Variants in ZBTB24 observed in about 807,000 individuals in gnomAD.
ZBTB24 encodes zinc finger and BTB domain-containing protein 24.
ZBTB24 carries 32 observed loss-of-function variants against 53.8 expected under a neutral mutation model. The observed-to-expected ratio is 0.60, with a 90% confidence interval of 0.45 to 0.80. The LOEUF (loss-of-function observed/expected upper bound fraction) is 0.80, where lower values mean the gene tolerates loss of function less well. Ranked by LOEUF, ZBTB24 falls within the 30% of genes least tolerant of loss-of-function variation. ZBTB24 has a pLI of 0.00. For synonymous variants in ZBTB24, 297 were observed against 306.7 expected (o/e 0.97, Z 0.33); for missense variants, 722 against 837.1 (o/e 0.86, Z 1.70).
Position 109,465,594 on chromosome 6 carries a change from C to T in ZBTB24, c.*257G>A. On this transcript the variant is annotated 3_prime_UTR_variant, in exon 7 of 7. Transcript: ENST00000230122. ...GCCCCCAAAGAAAAACTACCCGAGT[C>T]TTTATGAGACATTGCAGATTAAAAT... 1 of 1,490,022 alleles carries T rather than the reference C, an allele frequency of 6.7e-7. No individual in the cohort carries two copies. The highest frequency in any genetic ancestry group is 1.2e-5 in the South Asian group (1 of 81,858). The allele number at this position is 1,490,022 out of a possible 1,614,324, so 92.3% of individuals were successfully genotyped here. A position where few individuals can be genotyped will look rare whatever the true frequency, so the allele number is the denominator to read the frequency against.
intron 2 of ZBTB24, among the ~76,000 whole-genome samples, chr6:109,478,330 T>A (rs375415503): frequency 2.0e-4 from 31 of 152,236 alleles, no homozygotes; most frequent in African/African-American, 7.0e-4. Flanking sequence ...CAGACAGACA[T>A]ACAGCTTAGG....
At chr6:109,478,459 T>A (rs1425613544) in intron 2 of ZBTB24, among the ~76,000 whole-genome samples, 1 of 152,140 alleles carries the variant, frequency 6.6e-6, no homozygotes, top group Non-Finnish European at 1.5e-5. Flanking sequence ...TTCATCTGCA[T>A]CTCATTATTG....
intron 4 of ZBTB24, among the ~76,000 whole-genome samples, chr6:109,475,795 C>T (rs1776266081): frequency 1.3e-5 from 2 of 152,078 alleles, no homozygotes; most frequent in African/African-American, 4.8e-5. Context: ...TATCAGTTGG[C>T]AGGAAAGAAA....
At position 109,465,769 on chromosome 6, in the gene ZBTB24, G is replaced by A. The variant is rs567868709; in HGVS notation, c.*82C>T. 2.9e-4 allele frequency: 462 copies of A among 1,613,506 alleles called. 1 individual carries two copies. In the South Asian group the frequency reaches 3.2e-3, roughly 11 times the overall value. ...AGCATCTGCAAGTCAATGGTGTGGAGAGCCTGATTTCAAGCGTTCAAAATC... is the reference window on the plus strand; with the variant it reads ...AGCATCTGCAAGTCAATGGTGTGGAAAGCCTGATTTCAAGCGTTCAAAATC... On this transcript the variant is annotated 3_prime_UTR_variant, in exon 7 of 7. Transcript: ENST00000230122.
Position 109,465,327 on chromosome 6 carries a change from TG to T in ZBTB24, c.*523del. The T allele has an allele frequency of 6.2e-6, 2 of 324,582 alleles. No individual in the cohort carries two copies. Among genetic ancestry groups the T allele is most frequent in the Non-Finnish European group, 1.1e-5 (2 of 175,560 alleles). The allele number at this position is 324,582 out of a possible 1,614,324, so 20.1% of individuals were successfully genotyped here. A position where few individuals can be genotyped will look rare whatever the true frequency, so the allele number is the denominator to read the frequency against. On this transcript the variant is annotated 3_prime_UTR_variant, in exon 7 of 7. Coordinates refer to ENST00000230122, the MANE Select transcript of ZBTB24 (RefSeq NM_014797.3). ...TGAGGGTTACTTTGTCTTAGGGGAC[TG>T]GAAATTATTAAAAGGGCAAATTCCC... is the stretch of plus-strand genomic sequence containing the variant.
At chr6:109,472,730 T>C (rs971095814) in intron 5 of ZBTB24, among the ~76,000 whole-genome samples, 1 of 152,226 alleles carries the variant, frequency 6.6e-6, no homozygotes, top group Non-Finnish European at 1.5e-5. Flanking sequence ...CACCTGCACA[T>C]GGATGTCAAA....
Position 109,465,953 on chromosome 6 carries a change from A to G in ZBTB24, c.1992T>C (p.Thr664=). 6.2e-7 allele frequency: 1 copy of G among 1,614,198 alleles called. No individual in the cohort carries two copies. The highest frequency in any genetic ancestry group is 2.2e-5 in the East Asian group (1 of 44,872). Reference sequence around the variant, plus strand: ...GCTGCAGGTGCTGAGCTGGATCTGAAGTACTTGTAGCTAAATGGAGCTCCT... The same window carrying G: ...GCTGCAGGTGCTGAGCTGGATCTGAGGTACTTGTAGCTAAATGGAGCTCCT... ...QTEELHLATS[T]SDPAQHLQLT... Residue 664 remains threonine (T), a synonymous_variant, in exon 7 of 7, where the codon ACT becomes ACC. Transcript: ENST00000230122.
At chr6:109,482,860 T>C (rs1475948897) in intron 1 of ZBTB24, among the ~76,000 whole-genome samples, 2 of 151,982 alleles carry the variant, frequency 1.3e-5, no homozygotes, top group African/African-American at 2.4e-5. Flanking sequence ...GAATGTGAGG[T>C]AGCTGCAATA....
intron 4 of ZBTB24, 71 bp from the exon 5 acceptor site, chr6:109,475,553 A>G (rs1409922709): frequency 1.3e-6 from 2 of 1,558,094 alleles, no homozygotes; most frequent in Non-Finnish European, 1.8e-6. Flanking sequence ...GATTTGTGTT[A>G]AAGCACTTCC....
At chr6:109,477,078 T>C (rs1776294581) in intron 2 of ZBTB24, 148 bp from the exon 3 acceptor site, 1 of 1,162,576 alleles carries the variant, frequency 8.6e-7, no homozygotes, top group African/African-American at 1.5e-5. Flanking sequence ...AGCAATAAAA[T>C]TTTGGAAGCT....
In ZBTB24 at chr6:109,481,589, T is replaced by C. The variant is rs1477043361; in HGVS notation, c.438A>G (p.Pro146=). The C allele has an allele frequency of 1.9e-6, 3 of 1,614,210 alleles. No individual in the cohort carries two copies. Among genetic ancestry groups the C allele is most frequent in the African/African-American group, 1.3e-5 (1 of 75,024 alleles). The part of the protein sequence containing the change: ...KPTTLNTAGA[P]VVVISNKKND... ...TTTTCTTATTAGAGATAACAACCAC[T>C]GGGGCACCAGCAGTGTTCAAAGTTG... Residue 146 remains proline (P), a synonymous_variant, in exon 2 of 7, where the codon CCA becomes CCG. Coordinates refer to ENST00000230122, the MANE Select transcript of ZBTB24 (RefSeq NM_014797.3).
intron 2 of ZBTB24, 151 bp from the exon 3 acceptor site, chr6:109,477,081 T>C: frequency 8.7e-7 from 1 of 1,153,354 alleles, no homozygotes; most frequent in Non-Finnish European, 1.2e-6. Flanking sequence ...AATAAAATTT[T>C]GGAAGCTGAA....
chr6:109,469,219 C>T (rs2115355882), intron 5 of ZBTB24, among the ~76,000 whole-genome samples: 1 of 152,374 alleles, frequency 6.6e-6, no homozygotes. Context: ...CTGGGGCCTT[C>T]TCTGATCTTG....
intron 5 of ZBTB24, among the ~76,000 whole-genome samples, chr6:109,472,840 C>T (rs2115358516): frequency 6.6e-6 from 1 of 152,312 alleles, no homozygotes; most frequent in Admixed American, 6.5e-5. Context: ...TTTCAACTCC[C>T]ACATCCAATC....
intron 1 of ZBTB24, 48 bp from the exon 2 acceptor site, chr6:109,482,102 G>A: frequency 7.7e-7 from 1 of 1,306,654 alleles, no homozygotes; most frequent in Non-Finnish European, 1.1e-6. Context: ...CTGTCTAAAA[G>A]GTTAATGCCA....
chr6:109,466,196 G>A lies in ZBTB24; in HGVS notation c.1749C>T (p.Asn583=). 2 of 1,614,234 alleles carry A rather than the reference G, an allele frequency of 1.2e-6. No homozygotes were observed. Among genetic ancestry groups the A allele is most frequent in the Non-Finnish European group, 1.7e-6 (2 of 1,180,046 alleles). The change falls in exon 7 of 7, where the codon AAC becomes AAT. Residue 583 remains asparagine, a synonymous_variant. Transcript: ENST00000230122. The part of the protein sequence containing the change: ...ISIVTAESSQ[N]MTADQAANLT... ...GATTAGCAGCCTGGTCTGCAGTCAT[G>A]TTTTGGGAACTCTCTGCAGTCACAA...
At chr6:109,467,341 G>A (rs1776067500) in intron 6 of ZBTB24, among the ~76,000 whole-genome samples, 1 of 152,116 alleles carries the variant, frequency 6.6e-6, no homozygotes. Context: ...TGGTCAACAT[G>A]GTGAAATCCC....
intron 6 of ZBTB24, among the ~76,000 whole-genome samples, chr6:109,467,154 T>C (rs1186651839): frequency 6.6e-6 from 1 of 152,208 alleles, no homozygotes; most frequent in Non-Finnish European, 1.5e-5. Context: ...ATAAATGAAA[T>C]CAGTAATGTA....
intron 2 of ZBTB24, among the ~76,000 whole-genome samples, chr6:109,480,562 A>G (rs1456611497): frequency 6.6e-6 from 1 of 152,194 alleles, no homozygotes; most frequent in Non-Finnish European, 1.5e-5. Context: ...ACCAAAAATG[A>G]GAAGGTATTT....
Sources: gnomAD v4.1 joint callset for allele counts (sites outside exome capture counted in the v4.1 genomes callset) on GRCh38, gnomAD v4.1.1 for gene constraint, MANE v1.5 for transcripts, NCBI Gene and HGNC (gene_info 2026-07-23, HGNC 2026-07-21) for gene names.